The following IRAG1 variants were observed in gnomAD, a reference collection of about 807,000 sequenced individuals.
IRAG1 encodes inositol 1,4,5-triphosphate receptor associated 1.
Under a neutral mutation model 106.2 loss-of-function variants are expected in IRAG1, and 62 were observed. The observed-to-expected ratio is 0.58, with a 90% confidence interval of 0.48 to 0.72. The LOEUF is 0.72. Among genes scored for constraint, IRAG1 ranks in the 30% least tolerant of loss-of-function variants. IRAG1 has a pLI of 0.00. For synonymous variants in IRAG1, 462 were observed against 443.9 expected (o/e 1.04, Z -0.51); for missense variants, 1,064 against 1,140.7 (o/e 0.93, Z 0.97).
intron 10 of IRAG1, among the ~76,000 whole-genome samples, chr11:10,620,960 C>T (rs937610734): frequency 9.2e-5 from 14 of 152,014 alleles, no homozygotes; most frequent in African/African-American, 2.9e-4. Context: ...GGAGAAATTG[C>T]TGAGTATAAA....
chr11:10,615,065 C>T (rs1297460521), intron 10 of IRAG1, among the ~76,000 whole-genome samples: 2 of 152,124 alleles, frequency 1.3e-5, no homozygotes, highest in Admixed American at 6.5e-5. Flanking sequence ...CCAGAATCTA[C>T]AAAGAACTCA....
chr11:10,580,679 C>T (rs1234741253), intron 19 of IRAG1, 90 bp from the exon 20 acceptor site: 4 of 1,442,944 alleles, frequency 2.8e-6, no homozygotes, highest in African/African-American at 1.4e-5. Context: ...TTGAGCAGCA[C>T]CTCCAATAAT....
rs760741469 is a variant in IRAG1, at chr11:10,693,518, G to A, written c.67+18C>T. 1 of 1,535,540 alleles carries A rather than the reference G, an allele frequency of 6.5e-7. No homozygotes were observed. The highest frequency in any genetic ancestry group is 1.2e-5 in the South Asian group (1 of 84,054). ...CAGCCGAAGAGGCAGGTTATTCTAG[G>A]ATATAGGGGAGGCTTACCTAAAACT... On this transcript the variant is annotated intron_variant, in intron 1 of 20. Coordinates refer to ENST00000423302, the MANE Select transcript of IRAG1 (RefSeq NM_130385.4).
chr11:10,639,423 C>T (rs1857360248), intron 2 of IRAG1, among the ~76,000 whole-genome samples: 1 of 152,136 alleles, frequency 6.6e-6, no homozygotes, highest in Non-Finnish European at 1.5e-5. Context: ...AAACTATTTG[C>T]CCTGAAACCT....
intron 2 of IRAG1, among the ~76,000 whole-genome samples, chr11:10,635,838 C>T (rs1222953178): frequency 6.6e-6 from 1 of 152,148 alleles, no homozygotes; most frequent in East Asian, 1.9e-4. Flanking sequence ...GGAAAGGATG[C>T]TTTTATGTGG....
chr11:10,678,788 T>C lies in IRAG1; in HGVS notation c.67+14748A>G, dbSNP rs112146464. The stretch of plus-strand genomic sequence containing the variant: ...CACCTCATTTGTAATCGAAGCTTTT[T>C]CCTGGGGCAGATTCTGCCTGTACCA... On this transcript the variant is annotated intron_variant, in intron 1 of 20. Coordinates refer to ENST00000423302, the MANE Select transcript of IRAG1 (RefSeq NM_130385.4). 8.1e-4 allele frequency among the ~76,000 whole-genome samples: 124 copies of C among 152,362 alleles called. 1 individual carries two copies. The highest frequency in any genetic ancestry group is 2.8e-3 in the African/African-American group (116 of 41,578).
rs368142067 is a variant in IRAG1 at position 10,629,594 on chromosome 11, C to T, written c.518G>A (p.Arg173Gln). 6.4e-5 allele frequency: 104 copies of T among 1,613,844 alleles called. No individual in the cohort carries two copies. The highest frequency in any genetic ancestry group is 8.1e-5 in the Non-Finnish European group (96 of 1,179,878). The change falls in exon 5 of 21, where the codon CGA becomes CAA. Residue 173 changes from arginine (R) to glutamine (Q), a missense_variant. Arg to Gln is a conservative substitution (Grantham distance 43). Transcript: ENST00000423302. ...CTTCCTCCCACGGCGGGTCAGGAAT[C>T]GCTCACTCACCAACTTGGCTTCTTC... is the stretch of plus-strand genomic sequence containing the variant. ...LLEEAKLVSE[R>Q]FLTRRGRKSR...
At chr11:10,652,428 C>A in intron 1 of IRAG1, 2 of 990,228 alleles carry the variant, frequency 2.0e-6, no homozygotes, top group Non-Finnish European at 2.8e-6. Flanking sequence ...ACACAGCTAT[C>A]CCAGAAGGGA....
At chr11:10,591,006 G>T (rs1001866089) in intron 18 of IRAG1, among the ~76,000 whole-genome samples, 2 of 152,180 alleles carry the variant, frequency 1.3e-5, no homozygotes, top group Admixed American at 1.3e-4. Flanking sequence ...TAATAGAGAA[G>T]ACTGGTGAAA....
intron 4 of IRAG1, 171 bp from the exon 5 acceptor site, chr11:10,629,882 T>G: frequency 3.1e-6 from 2 of 646,688 alleles, no homozygotes; most frequent in Non-Finnish European, 5.2e-6. Context: ...TGGCTTCCTC[T>G]GCAGGCCTGG....
At chr11:10,609,059 G>A (rs966999953) in intron 11 of IRAG1, among the ~76,000 whole-genome samples, 3 of 152,254 alleles carry the variant, frequency 2.0e-5, no homozygotes, top group Non-Finnish European at 2.9e-5. Flanking sequence ...TCCCAGCACC[G>A]TTTGTTAAAA....
intron 1 of IRAG1, among the ~76,000 whole-genome samples, chr11:10,676,340 G>A (rs1356878966): frequency 3.3e-5 from 5 of 152,340 alleles, no homozygotes; most frequent in Middle Eastern, 3.4e-3. Flanking sequence ...GTGCTTTGGG[G>A]GGCAGCTGCA....
intron 18 of IRAG1, among the ~76,000 whole-genome samples, chr11:10,590,377 A>G (rs752618546): frequency 2.0e-5 from 3 of 152,200 alleles, no homozygotes; most frequent in Admixed American, 6.5e-5. Flanking sequence ...AAACTTCAAG[A>G]CTAACAAATC....
chr11:10,674,494 T>TC (rs769104385), intron 1 of IRAG1, among the ~76,000 whole-genome samples: 112 of 152,158 alleles, frequency 7.4e-4, no homozygotes, highest in Non-Finnish European at 1.2e-3. Context: ...CAGTACTCTT[T>TC]CCCCCTCATC....
chr11:10,586,156 G>C (rs1272242319), intron 18 of IRAG1: 1 of 151,074 alleles, frequency 6.6e-6, no homozygotes, highest in East Asian at 1.9e-4. Context: ...TTTGTTTACT[G>C]TGTGTGTGTG....
chr11:10,603,297 T>G, intron 13 of IRAG1, 46 bp from the exon 14 acceptor site: 1 of 1,602,630 alleles, frequency 6.2e-7, no homozygotes, highest in South Asian at 1.1e-5. Flanking sequence ...AATAATGTTA[T>G]GGACTAAATC....
chr11:10,609,736 G>A lies in IRAG1; in HGVS notation c.1563C>T (p.Leu521=), dbSNP rs374207123. The A allele has an allele frequency of 5.6e-6, 9 of 1,613,576 alleles. No homozygotes were observed. The highest frequency in any genetic ancestry group is 7.6e-6 in the Non-Finnish European group (9 of 1,179,788). ...CCACATCCTGATTTTACCTTCCAGGGAGACTCCTGTGGACCCGCAGTTTGC... is the reference window on the plus strand; with the variant it reads ...CCACATCCTGATTTTACCTTCCAGGAAGACTCCTGTGGACCCGCAGTTTGC... ...LLRKLRVHRS[L]PGSAPPLTEK... The change falls in exon 11 of 21, where the codon CTC becomes CTT. Residue 521 remains leucine, a synonymous_variant. Transcript: ENST00000423302.
intron 11 of IRAG1, among the ~76,000 whole-genome samples, chr11:10,609,169 G>A (rs1047102704): frequency 6.6e-6 from 1 of 152,126 alleles, no homozygotes; most frequent in African/African-American, 2.4e-5. Context: ...TTATCACAGA[G>A]GCCTTTCCTT....
chr11:10,687,672 G>A (rs1861761390), intron 1 of IRAG1: 2 of 1,283,682 alleles, frequency 1.6e-6, no homozygotes, highest in African/African-American at 1.5e-5. Flanking sequence ...CTCTTGAGAG[G>A]AAGTCCACCA....
Sources: allele counts gnomAD v4.1 joint callset (sites outside exome capture counted in the v4.1 genomes callset), GRCh38; gene constraint gnomAD v4.1.1; transcripts MANE v1.5; gene names NCBI Gene and HGNC (gene_info 2026-07-23, HGNC 2026-07-21).